The following RBMS3 variants were observed in gnomAD, a reference collection of about 807,000 sequenced individuals.
The protein encoded by RBMS3 is RNA-binding motif, single-stranded-interacting protein 3.
In RBMS3, 27 loss-of-function variants were observed where a neutral mutation model predicts 66.8. That is an observed-to-expected ratio of 0.40 (90% CI 0.30 to 0.56). The LOEUF (loss-of-function observed/expected upper bound fraction) is 0.56. Ranked by LOEUF, RBMS3 falls within the 20% of genes least tolerant of loss-of-function variation. RBMS3 has a pLI of 0.40. For missense variants in RBMS3, 513 were observed against 549.5 expected (o/e 0.93, Z 0.66); for synonymous variants, 188 against 183.0 (o/e 1.03, Z -0.22).
chr3:29,666,225 C>T (rs2050751003), intron 4 of RBMS3, among the ~76,000 whole-genome samples: 1 of 152,176 alleles, frequency 6.6e-6, no homozygotes, highest in Non-Finnish European at 1.5e-5. Flanking sequence ...TCTGCTACTT[C>T]AGTACTTCCT....
At chr3:29,903,768 T>C (rs1405174715) in intron 10 of RBMS3, among the ~76,000 whole-genome samples, 1 of 151,966 alleles carries the variant, frequency 6.6e-6, no homozygotes, top group African/African-American at 2.4e-5. Context: ...AATTACAAAT[T>C]GGTTATCTAA....
At chr3:29,482,770 C>A (rs1266006715) in intron 2 of RBMS3, among the ~76,000 whole-genome samples, 1 of 128,478 alleles carries the variant, frequency 7.8e-6, no homozygotes, top group Non-Finnish European at 1.6e-5. Flanking sequence ...TGCAGTGGCA[C>A]GATCTCGGCT....
intron 3 of RBMS3, among the ~76,000 whole-genome samples, chr3:29,573,251 G>A (rs1238298307): frequency 2.0e-5 from 3 of 152,210 alleles, no homozygotes; most frequent in East Asian, 1.9e-4. Context: ...CTCCCGACTA[G>A]CTGGGATTAC....
intron 4 of RBMS3, among the ~76,000 whole-genome samples, chr3:29,622,304 G>T (rs146255211): frequency 6.6e-6 from 1 of 152,076 alleles, no homozygotes; most frequent in Non-Finnish European, 1.5e-5. Flanking sequence ...AAAAAATTTC[G>T]TGAAGAAAAA....
chr3:29,945,997 C>T (rs1695277295), intron 12 of RBMS3, among the ~76,000 whole-genome samples: 1 of 151,630 alleles, frequency 6.6e-6, no homozygotes, highest in South Asian at 2.1e-4. Context: ...AAAAAGTAGT[C>T]CTAGGTTCCC....
intron 10 of RBMS3, among the ~76,000 whole-genome samples, chr3:29,902,493 A>G (rs1284560451): frequency 6.6e-6 from 1 of 151,804 alleles, no homozygotes; most frequent in African/African-American, 2.4e-5. Context: ...TAAACAAGAC[A>G]AATTGCTTAC....
intron 1 of RBMS3, among the ~76,000 whole-genome samples, chr3:29,352,284 T>C (rs2036963547): frequency 6.6e-6 from 1 of 152,074 alleles, no homozygotes. Flanking sequence ...TACATTTTAC[T>C]TATAAGTTAA....
At chr3:29,640,286 CCACA>C (rs2049650646) in intron 4 of RBMS3, among the ~76,000 whole-genome samples, 1 of 122,944 alleles carries the variant, frequency 8.1e-6, no homozygotes, top group Non-Finnish European at 1.7e-5. Context: ...ACACACACAC[CCACA>C]CACACACGAA....
At chr3:29,977,114 C>T (rs747535716) in intron 12 of RBMS3, among the ~76,000 whole-genome samples, 16 of 152,046 alleles carry the variant, frequency 1.1e-4, no homozygotes, top group African/African-American at 1.7e-4. Context: ...GGGTTTGATG[C>T]GACCTGAAAA....
intron 4 of RBMS3, among the ~76,000 whole-genome samples, chr3:29,627,272 T>G (rs1384177199): frequency 6.8e-6 from 1 of 147,964 alleles, no homozygotes. Context: ...TCTCTCTCTC[T>G]CTTTCTCTCT....
At chr3:29,824,050 C>T (rs1468326011) in intron 6 of RBMS3, among the ~76,000 whole-genome samples, 7 of 152,096 alleles carry the variant, frequency 4.6e-5, no homozygotes, top group African/African-American at 1.4e-4. Flanking sequence ...TCCATAATCT[C>T]CCCACATCCA....
chr3:29,524,844 G>A (rs1268019957), intron 3 of RBMS3, among the ~76,000 whole-genome samples: 1 of 151,984 alleles, frequency 6.6e-6, no homozygotes, highest in African/African-American at 2.4e-5. Flanking sequence ...CTTGAGCCTA[G>A]CAGTTTTGGA....
intron 4 of RBMS3, among the ~76,000 whole-genome samples, chr3:29,701,463 G>A (rs1026510203): frequency 1.3e-4 from 20 of 152,176 alleles, no homozygotes; most frequent in African/African-American, 4.6e-4. Flanking sequence ...CAGCCTCAGG[G>A]CCCACTCTGG....
intron 2 of RBMS3, among the ~76,000 whole-genome samples, chr3:29,441,882 G>A (rs17023488): frequency 0.02 from 3,094 of 152,216 alleles, 111 homozygotes; most frequent in African/African-American, 0.07. Flanking sequence ...ATAGGCTCTA[G>A]CAATTTCATG....
chr3:29,315,065 T>C (rs1160782005), intron 1 of RBMS3, among the ~76,000 whole-genome samples: 1 of 151,786 alleles, frequency 6.6e-6, no homozygotes, highest in Non-Finnish European at 1.5e-5. Context: ...ATTATAGTCC[T>C]TGCTAAAATT....
At chr3:29,982,460 TTTTAA>T (rs1423194332) in intron 12 of RBMS3, among the ~76,000 whole-genome samples, 1 of 152,166 alleles carries the variant, frequency 6.6e-6, no homozygotes, top group Non-Finnish European at 1.5e-5. Flanking sequence ...TCTGCTAGCT[TTTTAA>T]TTTGTTTGCT....
chr3:29,729,366 T>C (rs901551335), intron 4 of RBMS3, among the ~76,000 whole-genome samples: 2 of 152,176 alleles, frequency 1.3e-5, no homozygotes, highest in Non-Finnish European at 2.9e-5. Context: ...ATGTGCCACA[T>C]TTTCTTAATC....
At position 29,899,748 on chromosome 3, in the gene RBMS3, A is replaced by C; in HGVS notation, c.932A>C (p.Gln311Pro). Reference sequence around the variant, plus strand: ...ATGCCTCATCCGCCATACGTTATGCAACCAACAGTAAGTGTTCTCAGTCAC... The same window carrying C: ...ATGCCTCATCCGCCATACGTTATGCCACCAACAGTAAGTGTTCTCAGTCAC... ...SWMPHPPYVM[Q>P]PTGAVITPTM... is the part of the protein sequence containing the mutation. Residue 311 changes from glutamine to proline, a missense_variant, in exon 10 of 15, where the codon CAA becomes CCA. Coordinates refer to ENST00000383767, the MANE Select transcript of RBMS3 (RefSeq NM_001003793.3). 6.2e-7 allele frequency: 1 copy of C among 1,610,020 alleles called. No homozygotes were observed.
chr3:29,806,550 C>T (rs1317859800), intron 6 of RBMS3, among the ~76,000 whole-genome samples: 1 of 151,898 alleles, frequency 6.6e-6, no homozygotes, highest in Non-Finnish European at 1.5e-5. Context: ...TTTAAATCTG[C>T]TTGGGTAAGC....
Sources: allele counts gnomAD v4.1 joint callset (sites outside exome capture counted in the v4.1 genomes callset), GRCh38; gene constraint gnomAD v4.1.1; transcripts MANE v1.5; gene names NCBI Gene and HGNC (gene_info 2026-07-23, HGNC 2026-07-21).